RNF207: variants seen among roughly 807,000 people sequenced by gnomAD.
The protein encoded by RNF207 is OTTHUMG00000001089.
Under a neutral mutation model 79.0 loss-of-function variants are expected in RNF207, and 72 were observed. The ratio of observed to expected loss-of-function variants is 0.91; its 90% CI spans 0.75 to 1.11. RNF207 has a LOEUF of 1.11. Ranked by LOEUF, RNF207 falls within the 50% of genes least tolerant of loss-of-function variation. The pLI, the probability that RNF207 is intolerant of heterozygous loss-of-function variation, is 0.00. For synonymous variants in RNF207, 348 were observed against 366.2 expected (o/e 0.95, Z 0.57); for missense variants, 936 against 855.8 (o/e 1.09, Z -1.17).
chr1:6,212,913 C>T (rs1321593032), intron 15 of RNF207, 153 bp from the exon 16 acceptor site: 1 of 766,284 alleles, frequency 1.3e-6, no homozygotes, highest in Non-Finnish European at 2.3e-6. Context: ...GGTCAGGATT[C>T]ATTGAGTAGA....
At position 6,207,748 on chromosome 1, in the gene RNF207, T is replaced by C. The variant is rs1667971514; in HGVS notation, c.324+237T>C. The C allele has an allele frequency of 1.5e-6, 1 of 684,928 alleles. No homozygotes were observed. 42.4% of individuals were successfully genotyped at this position (684,928 alleles called of 1,614,324 possible). A position where few individuals can be genotyped will look rare whatever the true frequency, so the allele number is the denominator to read the frequency against. On this transcript the variant is annotated intron_variant, in intron 3 of 17. Coordinates refer to ENST00000377939, the MANE Select transcript of RNF207 (RefSeq NM_207396.3). The surrounding 1 kb of genome is among the most constrained non-coding windows in gnomAD (Gnocchi z 4.5). ...AGTGGCAGAGGCTAAGGCCATTCGATCTGGGGAGAGCTCACTGGTCCCCAA... is the reference window on the plus strand; with the variant it reads ...AGTGGCAGAGGCTAAGGCCATTCGACCTGGGGAGAGCTCACTGGTCCCCAA...
In RNF207 at chr1:6,212,029, C is replaced by A. The variant is rs1296571504; in HGVS notation, c.1272C>A (p.Cys424Ter). The A allele has an allele frequency of 1.2e-6, 2 of 1,600,780 alleles. No homozygotes were observed. The highest frequency in any genetic ancestry group is 1.7e-6 in the Non-Finnish European group (2 of 1,174,460). ...AGAACACGCCCTTCGCAGAGCACTG[C>A]CGCCACTATGAGGACTCCTACCGGG... ...EGENTPFAEH[C>*]RHYEDSYRHL... is the part of the protein sequence containing the mutation. The change falls in exon 13 of 18, where the codon TGC becomes TGA. Residue 424 changes from cysteine to a stop codon, truncating the protein, a stop_gained. Coordinates refer to ENST00000377939, the MANE Select transcript of RNF207 (RefSeq NM_207396.3). LOFTEE classifies it high-confidence loss of function.
intron 17 of RNF207, 118 bp from the exon 18 acceptor site, chr1:6,219,118 T>A: frequency 2.4e-6 from 2 of 839,732 alleles, no homozygotes; most frequent in Non-Finnish European, 3.7e-6. Context: ...TGGTTCTCAC[T>A]CACTGAGGCC....
Position 6,207,656 on chromosome 1 carries a change from T to C in RNF207, c.324+145T>C, listed in dbSNP as rs1251773513. 2 of 914,694 alleles carry C rather than the reference T, an allele frequency of 2.2e-6. No homozygotes were observed. The highest frequency in any genetic ancestry group is 3.5e-6 in the Non-Finnish European group (2 of 579,016). The allele number at this position is 914,694 out of a possible 1,614,324, so 56.7% of individuals were successfully genotyped here. A position where few individuals can be genotyped will look rare whatever the true frequency, so the allele number is the denominator to read the frequency against. On this transcript the variant is annotated intron_variant, in intron 3 of 17. Coordinates refer to ENST00000377939, the MANE Select transcript of RNF207 (RefSeq NM_207396.3). This position sits in a 1 kb window ranked among gnomAD's most constrained non-coding sequence, Gnocchi z 4.5. ...CTCCCTAGGGCACCTTGGCCCCAAATGTGAACCCCATTATACCGGTGGGGA... is the reference window on the plus strand; with the variant it reads ...CTCCCTAGGGCACCTTGGCCCCAAACGTGAACCCCATTATACCGGTGGGGA...
rs1438028360 is a variant in RNF207 at position 6,209,031 on chromosome 1, T to C, written c.469+6T>C. 1.9e-6 allele frequency: 2 copies of C among 1,056,842 alleles called. No homozygotes were observed. Among genetic ancestry groups the C allele is most frequent in the East Asian group, 5.9e-5 (1 of 16,972 alleles). The allele number at this position is 1,056,842 out of a possible 1,614,324, so 65.5% of individuals were successfully genotyped here. A position where few individuals can be genotyped will look rare whatever the true frequency, so the allele number is the denominator to read the frequency against. On this transcript the variant is annotated splice_donor_region_variant and intron_variant, in intron 4 of 17. Transcript: ENST00000377939. ...CGACGTGCCCCAGAAGTGCAGTGAG[T>C]GAGGCTTGCGGGGCCGGGGACTTGG...
intron 3 of RNF207, chr1:6,208,644 C>T (rs1668011463): frequency 3.8e-6 from 2 of 528,898 alleles, no homozygotes; most frequent in South Asian, 2.4e-5. Flanking sequence ...TCTGCCCTCT[C>T]CCCGCGTCCC....
At chr1:6,214,518 T>C (rs1435342175) in intron 16 of RNF207, among the ~76,000 whole-genome samples, 1 of 151,960 alleles carries the variant, frequency 6.6e-6, no homozygotes, top group Non-Finnish European at 1.5e-5. Context: ...TTCTCCTGCC[T>C]CAGCCTCCCA....
chr1:6,212,817 C>A, intron 15 of RNF207, 84 bp downstream of exon 15: 1 of 1,171,306 alleles, frequency 8.5e-7, no homozygotes. Context: ...GAGTCGGCCA[C>A]TAACCAGATG....
chr1:6,218,310 G>A lies in RNF207; in HGVS notation c.1674G>A (p.Glu558=). The A allele has an allele frequency of 6.2e-7, 1 of 1,614,036 alleles. No individual in the cohort carries two copies. Among genetic ancestry groups the A allele is most frequent in the East Asian group, 2.2e-5 (1 of 44,886 alleles). The stretch of plus-strand genomic sequence containing the variant: ...CCAGGTTTCAGGCACCCGTGGATGA[G>A]CAGTCAGAGAGTCTACAGAACACGC... ...LEPRFQAPVD[E]QSESLQNTHD... is the part of the protein sequence containing the mutation. Residue 558 remains glutamate, a synonymous_variant, in exon 17 of 18, where the codon GAG becomes GAA. Transcript: ENST00000377939.
In RNF207 at chr1:6,218,311, C is replaced by T. The variant is rs374560088; in HGVS notation, c.1675C>T (p.Gln559Ter). ...EPRFQAPVDEQSESLQNTHDD... is the reference protein window; with the variant it reads ...EPRFQAPVDE ...CAGGTTTCAGGCACCCGTGGATGAG[C>T]AGTCAGAGAGTCTACAGAACACGCA... The change falls in exon 17 of 18, where the codon CAG becomes TAG. Residue 559 changes from glutamine to a stop codon, truncating the protein, a stop_gained. Transcript: ENST00000377939. LOFTEE classifies it high-confidence loss of function. 1 of 1,613,908 alleles carries T rather than the reference C, an allele frequency of 6.2e-7. No individual in the cohort carries two copies. The highest frequency in any genetic ancestry group is 8.5e-7 in the Non-Finnish European group (1 of 1,179,788).
At chr1:6,212,111 G>A (rs1668197665) in intron 13 of RNF207, 58 bp downstream of exon 13, 3 of 1,549,206 alleles carry the variant, frequency 1.9e-6, no homozygotes, top group South Asian at 2.3e-5. Flanking sequence ...CCTCACCAAG[G>A]TACGCTCAGG....
chr1:6,216,677 C>T (rs962082001), intron 16 of RNF207, among the ~76,000 whole-genome samples: 6 of 151,628 alleles, frequency 4.0e-5, no homozygotes, highest in East Asian at 1.9e-4. Context: ...TCTCCTGTCT[C>T]GCCCTCACGA....
At chr1:6,218,407 T>A in intron 17 of RNF207, 38 bp downstream of exon 17, 1 of 1,478,246 alleles carries the variant, frequency 6.8e-7, no homozygotes, top group Non-Finnish European at 9.4e-7. Flanking sequence ...GTGCACGCGA[T>A]GTGGCTTCTG....
chr1:6,208,462 G>A lies in RNF207; in HGVS notation c.325-419G>A, dbSNP rs568978447. On this transcript the variant is annotated intron_variant, in intron 3 of 17. Transcript: ENST00000377939. ...GCCTCCCGAGGAGCTGGGACTCCAGGCGCCCGCCACCATGCCCAGCTAATT... is the reference window on the plus strand; with the variant it reads ...GCCTCCCGAGGAGCTGGGACTCCAGACGCCCGCCACCATGCCCAGCTAATT... Among the ~76,000 whole-genome samples, 35 of 152,248 alleles carry A rather than the reference G, an allele frequency of 2.3e-4. No individual in the cohort carries two copies. The East Asian group carries it at 6.2e-3, about 27-fold the overall frequency.
rs571100671 is a variant in RNF207, at chr1:6,210,736, C to A, written c.943-134C>A. 44 of 825,378 alleles carry A rather than the reference C, an allele frequency of 5.3e-5. No individual in the cohort carries two copies. In the African/African-American group the frequency reaches 6.7e-4, roughly 13 times the overall value. 51.1% of individuals were successfully genotyped at this position (825,378 alleles called of 1,614,324 possible). On this transcript the variant is annotated intron_variant, in intron 10 of 17. Coordinates refer to ENST00000377939, the MANE Select transcript of RNF207 (RefSeq NM_207396.3). ...GGATGGGGGTTTGTCCGGGTGAGTC[C>A]CAGAAGAGGGCTGGCGCTGCTAAGG...
chr1:6,221,061 C>A lies in RNF207; in HGVS notation c.*1654C>A, dbSNP rs186415705. The A allele has an allele frequency of 6.6e-6, 1 of 152,382 alleles. No homozygotes were observed. The highest frequency in any genetic ancestry group is 2.4e-5 in the African/African-American group (1 of 41,572). The allele number at this position is 152,382 out of a possible 1,614,324, so 9.4% of individuals were successfully genotyped here. ...TGCAGGGCAAAAGGAATTATCATTA[C>A]AACTGGTTAGAGGTAGGAATTCAGA... On this transcript the variant is annotated 3_prime_UTR_variant, in exon 18 of 18. Coordinates refer to ENST00000377939, the MANE Select transcript of RNF207 (RefSeq NM_207396.3).
At position 6,221,065 on chromosome 1, in the gene RNF207, T is replaced by C. The variant is rs1668534644; in HGVS notation, c.*1658T>C. On this transcript the variant is annotated 3_prime_UTR_variant, in exon 18 of 18. Transcript: ENST00000377939. ...GGGCAAAAGGAATTATCATTACAAC[T>C]GGTTAGAGGTAGGAATTCAGAAAGA... 6.6e-6 allele frequency: 1 copy of C among 152,234 alleles called. No individual in the cohort carries two copies. Among genetic ancestry groups the C allele is most frequent in the South Asian group, 2.1e-4 (1 of 4,824 alleles). 9.4% of individuals were successfully genotyped at this position (152,234 alleles called of 1,614,324 possible).
Position 6,212,563 on chromosome 1 carries a change from T to G in RNF207, c.1483-119T>G, listed in dbSNP as rs557248198. 9 of 1,254,424 alleles carry G rather than the reference T, an allele frequency of 7.2e-6. No homozygotes were observed. The East Asian group carries it at 1.6e-4, about 23-fold the overall frequency. The allele number at this position is 1,254,424 out of a possible 1,614,324, so 77.7% of individuals were successfully genotyped here. On this transcript the variant is annotated intron_variant, in intron 14 of 17. Coordinates refer to ENST00000377939, the MANE Select transcript of RNF207 (RefSeq NM_207396.3). ...TCTGGAAACTGGGAGTCTTTGCTGC[T>G]TGGAACCACGTGGACCTGGCTGGGG...
chr1:6,207,698 A>G lies in RNF207; in HGVS notation c.324+187A>G, dbSNP rs919856738. The G allele has an allele frequency of 2.3e-5, 17 of 740,238 alleles. No individual in the cohort carries two copies. Among genetic ancestry groups the G allele is most frequent in the Non-Finnish European group, 3.8e-5 (16 of 420,060 alleles). 45.9% of individuals were successfully genotyped at this position (740,238 alleles called of 1,614,324 possible). On this transcript the variant is annotated intron_variant, in intron 3 of 17. Coordinates refer to ENST00000377939, the MANE Select transcript of RNF207 (RefSeq NM_207396.3). This position sits in a 1 kb window ranked among gnomAD's most constrained non-coding sequence, Gnocchi z 4.5. ...CGGTGGGGAGACTGAGGTCCAGAACAAGGGACTTGAGCCAGTGTCCAGACA... is the reference window on the plus strand; with the variant it reads ...CGGTGGGGAGACTGAGGTCCAGAACGAGGGACTTGAGCCAGTGTCCAGACA...
Sources: gnomAD v4.1 joint callset for allele counts (sites outside exome capture counted in the v4.1 genomes callset) on GRCh38, gnomAD v4.1.1 for gene constraint, Gnocchi (gnomAD v3.1) non-coding constraint, MANE v1.5 for transcripts, NCBI Gene and HGNC (gene_info 2026-07-23, HGNC 2026-07-21) for gene names.